Variants in DHODH observed in about 807,000 individuals in gnomAD.
DHODH encodes the protein dihydroorotate dehydrogenase (quinone), also known as dihydroorotate dehydrogenase (quinone), mitochondrial.
In DHODH, 30 loss-of-function variants were observed where a neutral mutation model predicts 39.7. That is an observed-to-expected ratio of 0.76 (90% confidence interval 0.57 to 1.02). DHODH has a LOEUF of 1.02. Among genes scored for constraint, DHODH ranks in the 50% least tolerant of loss-of-function variants. DHODH has a pLI of 0.00. For synonymous variants in DHODH, 222 were observed against 213.8 expected (o/e 1.04, Z -0.34); for missense variants, 531 against 520.8 (o/e 1.02, Z -0.19).
chr16:72,012,354 A>G, intron 2 of DHODH, 92 bp downstream of exon 2: 1 of 1,148,946 alleles, frequency 8.7e-7, no homozygotes, highest in Non-Finnish European at 1.3e-6. Context: ...TTTGAAAACC[A>G]GAACCCCAAG....
intron 1 of DHODH, 145 bp downstream of exon 1, chr16:72,008,930 C>T: frequency 6.5e-7 from 1 of 1,527,000 alleles, no homozygotes; most frequent in Non-Finnish European, 8.8e-7. Context: ...CCGGGGTCTC[C>T]TGCAAATGCT....
At chr16:72,015,870 G>C (rs929644056) in intron 3 of DHODH, 1 of 985,030 alleles carries the variant, frequency 1.0e-6, no homozygotes. Flanking sequence ...TAAGTGTGTA[G>C]TAAACACTTA....
chr16:72,018,227 C>T (rs1364378399), intron 4 of DHODH, among the ~76,000 whole-genome samples: 1 of 152,134 alleles, frequency 6.6e-6, no homozygotes, highest in Non-Finnish European at 1.5e-5. Context: ...GGTTGTGGCT[C>T]AGTAGCGACC....
intron 2 of DHODH, chr16:72,013,768 G>C (rs1248032883): frequency 6.5e-6 from 1 of 153,502 alleles, no homozygotes; most frequent in Non-Finnish European, 1.4e-5. Context: ...CCAGTCTCCT[G>C]AGGTGCTGTG....
chr16:72,020,331 A>ATATATATATATATATGTG (rs2041191793), intron 4 of DHODH: 4 of 26,084 alleles, frequency 1.5e-4, no homozygotes, highest in African/African-American at 3.1e-4. Context: ...GTATATGTGT[A>ATATATATATATATATGTG]TATATATATA....
chr16:72,023,782 C>T, intron 8 of DHODH, 149 bp downstream of exon 8: 3 of 1,167,104 alleles, frequency 2.6e-6, no homozygotes, highest in South Asian at 2.7e-5. Flanking sequence ...TTCTGGGTTA[C>T]TCTTTTGATG....
chr16:72,020,372 T>TATATA (rs746414347), intron 4 of DHODH: 21 of 70,890 alleles, frequency 3.0e-4, no homozygotes, highest in Non-Finnish European at 4.9e-4. Flanking sequence ...TATATATATA[T>TATATA]TTTTTTTTTT....
chr16:72,011,562 G>A (rs2041081660), intron 1 of DHODH, among the ~76,000 whole-genome samples: 1 of 152,162 alleles, frequency 6.6e-6, no homozygotes, highest in South Asian at 2.1e-4. Context: ...GAGACCAGGA[G>A]GTCAGGAAAG....
chr16:72,016,880 G>C (rs2041147061), intron 3 of DHODH, 144 bp from the exon 4 acceptor site: 1 of 740,298 alleles, frequency 1.4e-6, no homozygotes, highest in East Asian at 2.8e-5. Flanking sequence ...AAGTTCTCTA[G>C]GAGTCCCAGT....
chr16:72,010,616 A>G (rs2041071435), intron 1 of DHODH, among the ~76,000 whole-genome samples: 1 of 152,262 alleles, frequency 6.6e-6, no homozygotes, highest in South Asian at 2.1e-4. Flanking sequence ...ATAACTCAGC[A>G]TGTGGCAGTG....
Position 72,012,077 on chromosome 16 carries a change from C to G in DHODH, c.49C>G (p.Leu17Val), listed in dbSNP as rs762796304. Residue 17 changes from leucine to valine, a missense_variant, in exon 2 of 9, where the codon CTG becomes GTG. Transcript: ENST00000219240. ...KKRAQDAVII[L>V]GGGGLLFASY... ...GCGGGCCCAGGATGCTGTGATCATC[C>G]TGGGGGGAGGAGGACTTCTCTTCGC... is the stretch of plus-strand genomic sequence containing the variant. 10 of 1,614,038 alleles carry G rather than the reference C, an allele frequency of 6.2e-6. 1 individual carries two copies. In the South Asian group the frequency reaches 6.6e-5, roughly 11 times the overall value.
intron 4 of DHODH, chr16:72,020,335 A>ATATATATATATGTGTGTG (rs1259454581): frequency 1.7e-5 from 2 of 117,380 alleles, no homozygotes; most frequent in African/African-American, 7.3e-5. Context: ...ATGTGTATAT[A>ATATATATATATGTGTGTG]TATATATATA....
At chr16:72,009,891 G>A (rs917404168) in intron 1 of DHODH, among the ~76,000 whole-genome samples, 8 of 152,248 alleles carry the variant, frequency 5.3e-5, no homozygotes, top group African/African-American at 1.7e-4. Flanking sequence ...GTGAGCCACC[G>A]CGCTCGGCCT....
At position 72,021,239 on chromosome 16, in the gene DHODH, T is replaced by C. The variant is rs1177134602; in HGVS notation, c.633T>C (p.Asn211=). The change falls in exon 5 of 9, where the codon AAT becomes AAC. Residue 211 remains asparagine (N), a synonymous_variant. Coordinates refer to ENST00000219240, the MANE Select transcript of DHODH (RefSeq NM_001361.5). ...LGPLADYLVV[N]VSSPNTAGLR... The stretch of plus-strand genomic sequence containing the variant: ...CCCTGGCCGACTACCTGGTGGTGAA[T>C]GTGTCCAGCCCCAACACTGCCGGGC... 7 of 1,612,860 alleles carry C rather than the reference T, an allele frequency of 4.3e-6. No individual in the cohort carries two copies. Among genetic ancestry groups the C allele is most frequent in the Non-Finnish European group, 5.1e-6 (6 of 1,179,682 alleles).
At position 72,021,325 on chromosome 16, in the gene DHODH, C is replaced by T. The variant is rs779876255; in HGVS notation, c.705+14C>T. On this transcript the variant is annotated intron_variant, in intron 5 of 8. Transcript: ENST00000219240. ...CTGCTGACCAAGGTGGGCAGCTGCA[C>T]CCCTCTCCAGGCCCTGTCCCACCAG... The T allele has an allele frequency of 1.9e-6, 3 of 1,591,502 alleles. No homozygotes were observed. Among genetic ancestry groups the T allele is most frequent in the Admixed American group, 1.7e-5 (1 of 57,756 alleles).
At chr16:72,017,931 C>T (rs1007713954) in intron 4 of DHODH, among the ~76,000 whole-genome samples, 1 of 152,066 alleles carries the variant, frequency 6.6e-6, no homozygotes, top group Admixed American at 6.6e-5. Flanking sequence ...GCCGCCACAC[C>T]CAGCTAATTT....
chr16:72,021,345 C>G lies in DHODH; in HGVS notation c.705+34C>G, dbSNP rs368919851. 2.5e-5 allele frequency: 40 copies of G among 1,569,042 alleles called. No homozygotes were observed. In the African/African-American group the frequency reaches 5.1e-4, roughly 20 times the overall value. ...CTGCACCCCTCTCCAGGCCCTGTCCCACCAGCCTGTCCCACCTGCTCCCCT... is the reference window on the plus strand; with the variant it reads ...CTGCACCCCTCTCCAGGCCCTGTCCGACCAGCCTGTCCCACCTGCTCCCCT... On this transcript the variant is annotated intron_variant, in intron 5 of 8. Transcript: ENST00000219240.
At chr16:72,012,305 G>A (rs377442561) in intron 2 of DHODH, 43 bp downstream of exon 2, 42 of 1,578,906 alleles carry the variant, frequency 2.7e-5, no homozygotes, top group Non-Finnish European at 3.4e-5. Flanking sequence ...CAAAGGCGAA[G>A]GCTGCAGTCC....
In DHODH at chr16:72,022,378, A is replaced by G; in HGVS notation, c.722A>G (p.Asp241Gly). The G allele has an allele frequency of 6.4e-7, 1 of 1,554,142 alleles. No homozygotes were observed. Residue 241 changes from aspartate (D) to glycine (G), a missense_variant, in exon 6 of 9, where the codon GAT becomes GGT. Asp to Gly is a moderately conservative substitution (Grantham distance 94). Transcript: ENST00000219240. ...RLLTKVLQER[D>G]GLRRVHRPAV... ...TCGCCCTAGGTGCTGCAGGAGAGGG[A>G]TGGCTTGCGGAGAGTGCACAGGCCG...
Sources: allele counts gnomAD v4.1 joint callset (sites outside exome capture counted in the v4.1 genomes callset), GRCh38; gene constraint gnomAD v4.1.1; transcripts MANE v1.5; gene names NCBI Gene and HGNC (gene_info 2026-07-23, HGNC 2026-07-21).